The following PREX2 variants were observed in gnomAD, a reference collection of about 807,000 sequenced individuals.
The protein encoded by PREX2 is phosphatidylinositol 3,4,5-trisphosphate-dependent Rac exchanger 2 protein.
PREX2 carries 107 observed loss-of-function variants against 203.2 expected under a neutral mutation model. The observed-to-expected ratio is 0.53, with a 90% CI of 0.45 to 0.62. The LOEUF is 0.62. Ranked by LOEUF, PREX2 falls within the 20% of genes least tolerant of loss-of-function variation. The pLI is 0.00. For synonymous variants in PREX2, 672 were observed against 663.6 expected, an observed-to-expected ratio of 1.01 and a Z score of -0.19; for missense variants, 1,777 against 1,955.9, an observed-to-expected ratio of 0.91 and a Z score of 1.72.
chr8:68,060,685 T>G lies in PREX2; in HGVS notation c.1245T>G (p.Phe415Leu). Residue 415 changes from phenylalanine to leucine, a missense_variant, in exon 11 of 40, where the codon TTT becomes TTG. By Grantham distance (22) the Phe-to-Leu change is conservative. Transcript: ENST00000288368. ...TFPKCFLGSE[F>L]VSWLLEIGEI... Reference sequence around the variant, plus strand: ...CACTGACTTTCTCTTGCAGCGAATTTGTGTCATGGCTGTTGGAAATTGGAG... The same window carrying G: ...CACTGACTTTCTCTTGCAGCGAATTGGTGTCATGGCTGTTGGAAATTGGAG... 6 of 1,609,716 alleles carry G rather than the reference T, an allele frequency of 3.7e-6. No individual in the cohort carries two copies. The highest frequency in any genetic ancestry group is 5.1e-6 in the Non-Finnish European group (6 of 1,178,488).
Position 68,212,999 on chromosome 8 carries a change from TGGACG to T in PREX2, c.4605-4616_4605-4612del, listed in dbSNP as rs1812769995. On this transcript the variant is annotated intron_variant, in intron 37 of 39. Transcript: ENST00000288368. ...TTCCCATCCTGGGGGCCTCAGGATATGGACGTATTACATCATGACCTCTGGCCCTG... is the reference window on the plus strand; with the variant it reads ...TTCCCATCCTGGGGGCCTCAGGATATTATTACATCATGACCTCTGGCCCTG... Among the ~76,000 whole-genome samples, 7 of 152,316 alleles carry T rather than the reference TGGACG, an allele frequency of 4.6e-5. No homozygotes were observed. The South Asian group carries it at 6.2e-4, about 14-fold the overall frequency.
At chr8:67,987,223 C>T (rs1470061114) in intron 1 of PREX2, among the ~76,000 whole-genome samples, 1 of 144,314 alleles carries the variant, frequency 6.9e-6, no homozygotes, top group Non-Finnish European at 1.5e-5. Flanking sequence ...GCTCCTTTTT[C>T]AAGTCATTGT....
At chr8:68,215,862 T>G (rs1042150787) in intron 37 of PREX2, among the ~76,000 whole-genome samples, 3 of 152,190 alleles carry the variant, frequency 2.0e-5, no homozygotes, top group Non-Finnish European at 4.4e-5. Flanking sequence ...AAACATGAAC[T>G]ATTAGTTATT....
chr8:68,163,121 G>T (rs935466394), intron 35 of PREX2, among the ~76,000 whole-genome samples: 4 of 152,120 alleles, frequency 2.6e-5, no homozygotes, highest in African/African-American at 9.7e-5. Flanking sequence ...GTACAAGCCA[G>T]TTTGGTGTTA....
At chr8:68,227,465 C>T (rs1813076628) in intron 39 of PREX2, among the ~76,000 whole-genome samples, 1 of 152,116 alleles carries the variant, frequency 6.6e-6, no homozygotes, top group African/African-American at 2.4e-5. Flanking sequence ...AGCATCAATC[C>T]TCATCCCTGG....
intron 20 of PREX2, among the ~76,000 whole-genome samples, chr8:68,092,885 C>T (rs1265069614): frequency 6.6e-6 from 1 of 152,122 alleles, no homozygotes; most frequent in Non-Finnish European, 1.5e-5. Flanking sequence ...AACTTCTGGG[C>T]TCAAGCGATC....
At chr8:68,106,463 G>T in intron 23 of PREX2, 1 of 408,328 alleles carries the variant, frequency 2.4e-6, no homozygotes, top group Non-Finnish European at 4.7e-6. Flanking sequence ...TCATCATTTT[G>T]TTAATAATTT....
intron 33 of PREX2, among the ~76,000 whole-genome samples, chr8:68,140,207 T>C (rs1295039655): frequency 6.6e-6 from 1 of 152,162 alleles, no homozygotes; most frequent in African/African-American, 2.4e-5. Flanking sequence ...ATGTAAGCAA[T>C]AATAGTATGT....
intron 1 of PREX2, among the ~76,000 whole-genome samples, chr8:67,956,378 C>A (rs1260834040): frequency 6.6e-6 from 1 of 152,190 alleles, no homozygotes; most frequent in Non-Finnish European, 1.5e-5. Flanking sequence ...GGGTTCTGAG[C>A]TGAGAAGGAT....
In PREX2 at chr8:68,120,262, C is replaced by T. The variant is rs1294271170; in HGVS notation, c.3571C>T (p.Leu1191Phe). 2 of 1,613,540 alleles carry T rather than the reference C, an allele frequency of 1.2e-6. No individual in the cohort carries two copies. Among genetic ancestry groups the T allele is most frequent in the Non-Finnish European group, 8.5e-7 (1 of 1,179,690 alleles). Residue 1191 changes from leucine to phenylalanine, a missense_variant, in exon 29 of 40, where the codon CTC (leucine) becomes TTC (phenylalanine). Physicochemically the swap from Leu to Phe is conservative, Grantham distance 22. Coordinates refer to ENST00000288368, the MANE Select transcript of PREX2 (RefSeq NM_024870.4). ...GAGGGCCTTTGACCAAACCAAGTATCTCACTCCAGGCCGAGGATTGCAAGG... is the reference window on the plus strand; with the variant it reads ...GAGGGCCTTTGACCAAACCAAGTATTTCACTCCAGGCCGAGGATTGCAAGG... ...VVRAFDQTKY[L>F]TPGRGLQEFQ...
At chr8:68,161,051 C>T (rs1314583642) in intron 35 of PREX2, among the ~76,000 whole-genome samples, 2 of 151,940 alleles carry the variant, frequency 1.3e-5, no homozygotes, top group Non-Finnish European at 2.9e-5. Context: ...TTTTCATAAA[C>T]CTTTTATAAC....
intron 1 of PREX2, 146 bp from the exon 2 acceptor site, chr8:68,017,700 T>C (rs1807445963): frequency 3.2e-6 from 2 of 628,454 alleles, no homozygotes; most frequent in Admixed American, 5.0e-5. Flanking sequence ...TGCACAAGGG[T>C]TTCTGTGTTA....
In PREX2 at chr8:68,127,277, C is replaced by T. The variant is rs1390922329; in HGVS notation, c.3725-101C>T. The T allele has an allele frequency of 3.4e-6, 3 of 874,562 alleles. No homozygotes were observed. The African/African-American group carries it at 5.2e-5, about 15-fold the overall frequency. The allele number at this position is 874,562 out of a possible 1,614,324, so 54.2% of individuals were successfully genotyped here. On this transcript the variant is annotated intron_variant, in intron 30 of 39. Coordinates refer to ENST00000288368, the MANE Select transcript of PREX2 (RefSeq NM_024870.4). The stretch of plus-strand genomic sequence containing the variant: ...AAACCACAACTACTTTTGCATGAAC[C>T]TAGTCCAATAAGATCATACTAATTT...
chr8:68,174,215 G>A (rs949020657), intron 35 of PREX2, among the ~76,000 whole-genome samples: 4 of 152,158 alleles, frequency 2.6e-5, no homozygotes, highest in African/African-American at 9.7e-5. Context: ...CCCTGCACCT[G>A]TCAGGAAATT....
intron 1 of PREX2, among the ~76,000 whole-genome samples, chr8:67,965,995 G>A (rs1415492668): frequency 6.6e-6 from 1 of 152,008 alleles, no homozygotes; most frequent in African/African-American, 2.4e-5. Context: ...TGTTTTGAGG[G>A]TAGCAAATAT....
At chr8:68,085,032 G>A (rs1222325836) in intron 18 of PREX2, among the ~76,000 whole-genome samples, 1 of 152,124 alleles carries the variant, frequency 6.6e-6, no homozygotes, top group East Asian at 1.9e-4. Context: ...ACTCTTCTTA[G>A]TGTTCGTTGC....
Position 68,191,226 on chromosome 8 carries a change from G to C in PREX2, c.4347-496G>C, listed in dbSNP as rs149073278. Among the ~76,000 whole-genome samples, 78 of 152,246 alleles carry C rather than the reference G, an allele frequency of 5.1e-4. 3 individuals are homozygous for C. The East Asian group carries it at 0.013, about 25-fold the overall frequency. ...CTTGGTGCTGGAAAGAATCGCCTCA[G>C]TGTTGTTTAAAGTTAGGTTTTTATG... On this transcript the variant is annotated intron_variant, in intron 35 of 39. Coordinates refer to ENST00000288368, the MANE Select transcript of PREX2 (RefSeq NM_024870.4).
intron 18 of PREX2, among the ~76,000 whole-genome samples, chr8:68,086,705 T>A (rs574076138): frequency 1.3e-5 from 2 of 152,276 alleles, no homozygotes; most frequent in African/African-American, 4.8e-5. Context: ...CTGACTGGTT[T>A]GCCGTGACAG....
At chr8:68,164,996 C>T (rs1167122788) in intron 35 of PREX2, among the ~76,000 whole-genome samples, 2 of 151,406 alleles carry the variant, frequency 1.3e-5, no homozygotes, top group Non-Finnish European at 2.9e-5. Flanking sequence ...AAACCCAGGC[C>T]CTGGTGGTAA....
Sources: gnomAD v4.1 joint callset for allele counts (sites outside exome capture counted in the v4.1 genomes callset) on GRCh38, gnomAD v4.1.1 for gene constraint, MANE v1.5 for transcripts, NCBI Gene and HGNC (gene_info 2026-07-23, HGNC 2026-07-21) for gene names.